The following XPO6 variants were observed in gnomAD, a reference collection of about 807,000 sequenced individuals.
XPO6 encodes the protein exportin 6, also known as exportin-6.
XPO6 carries 3 observed loss-of-function variants against 130.0 expected under a neutral mutation model. The ratio of observed to expected loss-of-function variants is 0.02; its 90% confidence interval spans 0.01 to 0.06. XPO6 has a LOEUF of 0.06. XPO6 is among the 10% of genes least tolerant of loss of function. The pLI is 1.00. For synonymous variants in XPO6, 524 were observed against 548.9 expected (o/e 0.95, Z 0.63); for missense variants, 970 against 1,393.0 (o/e 0.70, Z 4.83).
At chr16:28,180,238 A>G (rs2043593905) in intron 2 of XPO6, among the ~76,000 whole-genome samples, 1 of 152,044 alleles carries the variant, frequency 6.6e-6, no homozygotes, top group Non-Finnish European at 1.5e-5. Context: ...GGTGGTGGGC[A>G]CCTGTAATCC....
chr16:28,152,830 C>A, intron 7 of XPO6, 45 bp from the exon 8 acceptor site: 2 of 1,588,260 alleles, frequency 1.3e-6, no homozygotes, highest in Non-Finnish European at 1.7e-6. Flanking sequence ...ACCCAGCCAC[C>A]TCCTTAGAAC....
chr16:28,162,428 T>C (rs1029169056), intron 6 of XPO6, among the ~76,000 whole-genome samples: 6 of 152,190 alleles, frequency 3.9e-5, no homozygotes, highest in Admixed American at 1.3e-4. Context: ...AAGTTCTCTA[T>C]GGAAGAGGGT....
Position 28,133,982 on chromosome 16 carries a change from T to A in XPO6, c.1444-49A>T, listed in dbSNP as rs773861314. On this transcript the variant is annotated intron_variant, in intron 10 of 23. Transcript: ENST00000304658. ...CAGCTCTCCCAGAATCCTCTCATCTTCCTTGCCAACCTCAAGACCACTCTC... is the reference window on the plus strand; with the variant it reads ...CAGCTCTCCCAGAATCCTCTCATCTACCTTGCCAACCTCAAGACCACTCTC... The A allele has an allele frequency of 7.5e-6, 12 of 1,593,364 alleles. No individual in the cohort carries two copies. In the Middle Eastern group the frequency reaches 5.0e-4, roughly 66 times the overall value.
At chr16:28,151,654 T>C (rs1174764997) in intron 8 of XPO6, among the ~76,000 whole-genome samples, 1 of 152,188 alleles carries the variant, frequency 6.6e-6, no homozygotes, top group Admixed American at 6.5e-5. Context: ...CATATGTCAA[T>C]TTGGGGAAAA....
At chr16:28,191,516 C>G (rs1021860159) in intron 1 of XPO6, among the ~76,000 whole-genome samples, 2 of 152,182 alleles carry the variant, frequency 1.3e-5, no homozygotes, top group Admixed American at 6.5e-5. Context: ...AAAACACGAT[C>G]ACAGAATCTT....
chr16:28,203,424 C>G (rs1567653059), intron 1 of XPO6, among the ~76,000 whole-genome samples: 2 of 152,180 alleles, frequency 1.3e-5, no homozygotes, highest in African/African-American at 4.8e-5. Flanking sequence ...GCTATCACAT[C>G]TTCCTTGGCT....
Position 28,111,846 on chromosome 16 carries a change from G to A in XPO6, c.2312C>T (p.Ala771Val). Reference protein sequence around the residue: ...DYRNLKPSAVAPQRKMPLDDT... With the variant: ...DYRNLKPSAVVPQRKMPLDDT... ...ATCCAGTGGCATCTTTCTCTGTGGG[G>A]CAACAGCACTGGGCTTCAGGTTGCG... is the stretch of plus-strand genomic sequence containing the variant. The change falls in exon 17 of 24, where the codon GCC (alanine) becomes GTC (valine). Residue 771 changes from alanine to valine, a missense_variant. By Grantham distance (64) the Ala-to-Val change is moderately conservative (BLOSUM62 0). This residue lies in a region of XPO6 where 936 missense variants were observed against 1,306.8 expected (regional missense o/e 0.72). Coordinates refer to ENST00000304658, the MANE Select transcript of XPO6 (RefSeq NM_015171.4). 1.2e-6 allele frequency: 2 copies of A among 1,614,122 alleles called. No individual in the cohort carries two copies. The highest frequency in any genetic ancestry group is 1.7e-6 in the Non-Finnish European group (2 of 1,179,998).
rs540883879 is a variant in XPO6, at chr16:28,147,403, T to C, written c.1225-1200A>G. Among the ~76,000 whole-genome samples the C allele has an allele frequency of 2.7e-5, 4 of 148,520 alleles. No individual in the cohort carries two copies. In the South Asian group the frequency reaches 8.8e-4, roughly 33 times the overall value. ...CATAGTGAGACTCGGTGTGTATATT[T>C]TAGAAAAAAAATTAAAATAGGAAAG... is the stretch of plus-strand genomic sequence containing the variant. On this transcript the variant is annotated intron_variant, in intron 8 of 23. Transcript: ENST00000304658.
chr16:28,158,666 G>A (rs969798310), intron 6 of XPO6, among the ~76,000 whole-genome samples: 1 of 152,142 alleles, frequency 6.6e-6, no homozygotes, highest in Non-Finnish European at 1.5e-5. Context: ...AAAATTGGAG[G>A]ACCACGGGGC....
In XPO6 at chr16:28,211,705, C is replaced by T; in HGVS notation, c.-337G>A. 1 of 386,254 alleles carries T rather than the reference C, an allele frequency of 2.6e-6. No homozygotes were observed. The highest frequency in any genetic ancestry group is 4.6e-6 in the Non-Finnish European group (1 of 218,620). The allele number at this position is 386,254 out of a possible 1,614,324, so 23.9% of individuals were successfully genotyped here. On this transcript the variant is annotated 5_prime_UTR_variant, in exon 1 of 24. Transcript: ENST00000304658. Reference sequence around the variant, plus strand: ...CCGCGGGGGAGGCTGCGGGCCCAGGCAGGGGCTCCCCGGCCTCCGCGGGCA... The same window carrying T: ...CCGCGGGGGAGGCTGCGGGCCCAGGTAGGGGCTCCCCGGCCTCCGCGGGCA...
intron 4 of XPO6, 68 bp from the exon 5 acceptor site, chr16:28,169,977 T>C: frequency 1.3e-6 from 2 of 1,570,170 alleles, no homozygotes; most frequent in African/African-American, 1.4e-5. Context: ...CTCAGTAGCA[T>C]TAAAGCTATG....
chr16:28,169,987 G>A, intron 4 of XPO6, 78 bp from the exon 5 acceptor site: 1 of 1,529,334 alleles, frequency 6.5e-7, no homozygotes, highest in Non-Finnish European at 8.9e-7. Flanking sequence ...TTAAAGCTAT[G>A]AAGCATCTGT....
chr16:28,208,842 T>C (rs2044077153), intron 1 of XPO6: 1 of 152,210 alleles, frequency 6.6e-6, no homozygotes, highest in South Asian at 2.1e-4. Flanking sequence ...TAGGCCCTGG[T>C]ATATGGTGGT....
chr16:28,182,346 A>G (rs1283116663), intron 1 of XPO6, among the ~76,000 whole-genome samples: 1 of 152,204 alleles, frequency 6.6e-6, no homozygotes, highest in Admixed American at 6.5e-5. Flanking sequence ...TACCAATTAC[A>G]GAGGCTGAAT....
intron 9 of XPO6, among the ~76,000 whole-genome samples, chr16:28,135,693 T>C (rs1179922865): frequency 6.6e-6 from 1 of 152,236 alleles, no homozygotes; most frequent in East Asian, 1.9e-4. Flanking sequence ...ACTTGCAATC[T>C]ATTTGTATCT....
rs2086730085 is a variant in XPO6 at position 28,104,581 on chromosome 16, T to C, written c.2911A>G (p.Met971Val). Reference protein sequence around the residue: ...SVQRGIAEEQMENEPQFSAIM... With the variant: ...SVQRGIAEEQVENEPQFSAIM... ...GCACTGAACTGGGGCTCATTCTCCA[T>C]CTGCTCCTCAGCGATCCCCCTCTGG... Residue 971 changes from methionine (M) to valine (V), a missense_variant, in exon 21 of 24, where the codon ATG becomes GTG. By Grantham distance (21) the Met-to-Val change is conservative. This residue lies in a region of XPO6 where 936 missense variants were observed against 1,306.8 expected (regional missense o/e 0.72). Transcript: ENST00000304658. The C allele has an allele frequency of 1.2e-6, 2 of 1,614,186 alleles. No homozygotes were observed. The highest frequency in any genetic ancestry group is 4.5e-5 in the East Asian group (2 of 44,882).
chr16:28,190,224 T>TTTA (rs2043764578), intron 1 of XPO6, among the ~76,000 whole-genome samples: 2 of 129,310 alleles, frequency 1.5e-5, no homozygotes, highest in South Asian at 2.2e-4. Context: ...TCTTTCTTTA[T>TTTA]TTTTTTTTTT....
chr16:28,144,107 A>C (rs1335371897), intron 9 of XPO6, among the ~76,000 whole-genome samples: 1 of 152,208 alleles, frequency 6.6e-6, no homozygotes, highest in Admixed American at 6.5e-5. Flanking sequence ...TTTTGGCAAA[A>C]GTAACTTTTC....
At position 28,107,580 on chromosome 16, in the gene XPO6, C is replaced by A. The variant is rs11557750; in HGVS notation, c.2439G>T (p.Ser813=). ...GGGAGACCTGAACAGATTCCTGCAG[C>A]GACTGGTAGCAAATCTGTCGAGACT... is the stretch of plus-strand genomic sequence containing the variant. ...STKSRQICYQ[S]LQESVQVSLA... Residue 813 remains serine (S), a synonymous_variant, in exon 18 of 24, where the codon TCG becomes TCT. Transcript: ENST00000304658. The A allele has an allele frequency of 6.2e-7, 1 of 1,614,154 alleles. No homozygotes were observed. Among genetic ancestry groups the A allele is most frequent in the East Asian group, 2.2e-5 (1 of 44,878 alleles).
Sources: allele counts gnomAD v4.1 joint callset (sites outside exome capture counted in the v4.1 genomes callset), GRCh38; gene constraint gnomAD v4.1.1; regional missense constraint gnomAD v4.1.1; transcripts MANE v1.5; gene names NCBI Gene and HGNC (gene_info 2026-07-23, HGNC 2026-07-21).